Variants in ENPP4 observed in about 807,000 individuals in gnomAD.
The protein encoded by ENPP4 is ectonucleotide pyrophosphatase/phosphodiesterase 4.
A neutral mutation model predicts 33.4 loss-of-function variants in ENPP4; 18 were observed. That is an observed-to-expected ratio of 0.54 (90% CI 0.37 to 0.80). The LOEUF (loss-of-function observed/expected upper bound fraction) is 0.80. Among genes scored for constraint, ENPP4 ranks in the 30% least tolerant of loss-of-function variants. The probability of loss-of-function intolerance (pLI) is 0.00; values close to 1 mark genes in which losing one functional copy is unlikely to be tolerated. For missense variants in ENPP4, 480 were observed against 541.7 expected (o/e 0.89, Z 1.13); for synonymous variants, 172 against 189.9 (o/e 0.91, Z 0.78).
chr6:46,138,365 C>T (rs1764005669), intron 1 of ENPP4, among the ~76,000 whole-genome samples: 1 of 151,842 alleles, frequency 6.6e-6, no homozygotes, highest in African/African-American at 2.4e-5. Context: ...TTTGTTCATG[C>T]CTGTGCCAGG....
rs140366577 is a variant in ENPP4 at position 46,130,721 on chromosome 6, G to A, written c.-34+532G>A. On this transcript the variant is annotated intron_variant, in intron 1 of 3. Coordinates refer to ENST00000321037, the MANE Select transcript of ENPP4 (RefSeq NM_014936.5). ...TTTTAAAGGGCTGGATTAAAAGCAC[G>A]TAAGGACTTAAAAACAATGCTTCCT... 4.6e-5 allele frequency among the ~76,000 whole-genome samples: 7 copies of A among 152,332 alleles called. No individual in the cohort carries two copies. The East Asian group carries it at 1.4e-3, about 29-fold the overall frequency.
intron 1 of ENPP4, among the ~76,000 whole-genome samples, chr6:46,138,446 C>T (rs773939976): frequency 7.5e-4 from 114 of 151,878 alleles, no homozygotes; most frequent in Non-Finnish European, 1.5e-3. Context: ...TCAACATTGA[C>T]TCCAGTTCTA....
At chr6:46,141,722 A>G (rs150504970) in intron 3 of ENPP4, among the ~76,000 whole-genome samples, 1 of 151,834 alleles carries the variant, frequency 6.6e-6, no homozygotes, top group East Asian at 1.9e-4. Context: ...AATCTCTCCT[A>G]AAAAATATAT....
chr6:46,141,069 A>G lies in ENPP4; in HGVS notation c.844A>G (p.Asn282Asp). The G allele has an allele frequency of 6.2e-7, 1 of 1,602,132 alleles. No individual in the cohort carries two copies. The highest frequency in any genetic ancestry group is 8.5e-7 in the Non-Finnish European group (1 of 1,173,702). Residue 282 changes from asparagine (N) to aspartate (D), a missense_variant, in exon 3 of 4, where the codon AAC (asparagine) becomes GAC (aspartate). This residue lies in a region of ENPP4 where 249 missense variants were observed against 251.8 expected (regional missense o/e 0.99). Coordinates refer to ENST00000321037, the MANE Select transcript of ENPP4 (RefSeq NM_014936.5). ...LPKINRTEVY[N>D]KLKNCSPHMN... Reference sequence around the variant, plus strand: ...TTTCTCAGATAGAACAGAGGTTTATAACAAACTGAAAAACTGTAGCCCTCA... The same window carrying G: ...TTTCTCAGATAGAACAGAGGTTTATGACAAACTGAAAAACTGTAGCCCTCA...
chr6:46,136,121 T>G (rs1490207832), intron 1 of ENPP4, among the ~76,000 whole-genome samples: 1 of 152,080 alleles, frequency 6.6e-6, no homozygotes, highest in Non-Finnish European at 1.5e-5. Context: ...TGCCACCTAT[T>G]TGCTGATTTA....
At chr6:46,131,996 G>C (rs1763908469) in intron 1 of ENPP4, among the ~76,000 whole-genome samples, 1 of 152,090 alleles carries the variant, frequency 6.6e-6, no homozygotes, top group South Asian at 2.1e-4. Context: ...CCCACTTTTT[G>C]ATGGGGTTGT....
chr6:46,136,030 T>C lies in ENPP4; in HGVS notation c.-33-3521T>C, dbSNP rs545367293. Among the ~76,000 whole-genome samples, 7 of 152,122 alleles carry C rather than the reference T, an allele frequency of 4.6e-5. No individual in the cohort carries two copies. The South Asian group carries it at 6.2e-4, about 14-fold the overall frequency. ...CACCTTAGCTTTTAAAATAATACAT[T>C]ATGGTGTATGAATCTCAAACACACT... On this transcript the variant is annotated intron_variant, in intron 1 of 3. Coordinates refer to ENST00000321037, the MANE Select transcript of ENPP4 (RefSeq NM_014936.5).
At chr6:46,133,776 T>A (rs1334034069) in intron 1 of ENPP4, among the ~76,000 whole-genome samples, 1 of 152,154 alleles carries the variant, frequency 6.6e-6, no homozygotes, top group East Asian at 1.9e-4. Flanking sequence ...GCTTGAGAAC[T>A]TCTCATTGTT....
intron 3 of ENPP4, 87 bp from the exon 4 acceptor site, chr6:46,143,189 A>G (rs1413364101): frequency 4.6e-6 from 6 of 1,293,822 alleles, no homozygotes; most frequent in African/African-American, 3.0e-5. Flanking sequence ...CCTTTCTGAA[A>G]GAATTGAATG....
Position 46,144,664 on chromosome 6 carries a change from A to G in ENPP4, c.*1024A>G. 3.2e-6 allele frequency: 1 copy of G among 309,604 alleles called. No homozygotes were observed. The highest frequency in any genetic ancestry group is 5.9e-6 in the Non-Finnish European group (1 of 170,864). The allele number at this position is 309,604 out of a possible 1,614,324, so 19.2% of individuals were successfully genotyped here. A position where few individuals can be genotyped will look rare whatever the true frequency, so the allele number is the denominator to read the frequency against. On this transcript the variant is annotated 3_prime_UTR_variant, in exon 4 of 4. Coordinates refer to ENST00000321037, the MANE Select transcript of ENPP4 (RefSeq NM_014936.5). ...GTATCCAAATGCTACAGAAAAATTT[A>G]TGACCCAAATACAAATCTCAATTTG...
At position 46,144,745 on chromosome 6, in the gene ENPP4, T is replaced by G; in HGVS notation, c.*1105T>G. On this transcript the variant is annotated 3_prime_UTR_variant, in exon 4 of 4. Transcript: ENST00000321037. ...GTATTTATCTTTGGGACTTTATGCC[T>G]TACTTTTTAGGCTATAGAATAGTTA... is the stretch of plus-strand genomic sequence containing the variant. 2.6e-6 allele frequency: 1 copy of G among 378,934 alleles called. No homozygotes were observed. The highest frequency in any genetic ancestry group is 4.7e-6 in the Non-Finnish European group (1 of 213,504). The allele number at this position is 378,934 out of a possible 1,614,324, so 23.5% of individuals were successfully genotyped here.
At chr6:46,143,238 C>A (rs947918240) in intron 3 of ENPP4, 38 bp from the exon 4 acceptor site, 2 of 1,517,190 alleles carry the variant, frequency 1.3e-6, no homozygotes, top group South Asian at 2.7e-5. Flanking sequence ...CCTAAAAAGT[C>A]TGATCTTATT....
In ENPP4 at chr6:46,139,550, G is replaced by T; in HGVS notation, c.-33-1G>T. On this transcript the variant is annotated splice_acceptor_variant, in intron 1 of 3. Coordinates refer to ENST00000321037, the MANE Select transcript of ENPP4 (RefSeq NM_014936.5). LOFTEE classifies it low-confidence loss of function (5UTR_SPLICE). ...TTATGAGTTGTGTTTTTACATTTTA[G>T]GAACCCTGATTGCTGTCCTTCAACG... 1 of 1,127,108 alleles carries T rather than the reference G, an allele frequency of 8.9e-7. No homozygotes were observed. 69.8% of individuals were successfully genotyped at this position (1,127,108 alleles called of 1,614,324 possible). A position where few individuals can be genotyped will look rare whatever the true frequency, so the allele number is the denominator to read the frequency against.
In ENPP4 at chr6:46,139,942, G is replaced by T; in HGVS notation, c.359G>T (p.Trp120Leu). Reference protein sequence around the residue: ...PFWWNEAVPIWVTNQLQENRS... With the variant: ...PFWWNEAVPILVTNQLQENRS... ...TGGTGGAATGAGGCAGTACCTATTTGGGTGACCAATCAGCTTCAGGAAAAC... is the reference window on the plus strand; with the variant it reads ...TGGTGGAATGAGGCAGTACCTATTTTGGTGACCAATCAGCTTCAGGAAAAC... Residue 120 changes from tryptophan to leucine, a missense_variant, in exon 2 of 4, where the codon TGG (tryptophan) becomes TTG (leucine). By Grantham distance (61) the Trp-to-Leu change is moderately conservative (BLOSUM62 -2). This residue lies in a region of ENPP4 where 227 missense variants were observed against 273.7 expected (regional missense o/e 0.83). Coordinates refer to ENST00000321037, the MANE Select transcript of ENPP4 (RefSeq NM_014936.5). 6.2e-7 allele frequency: 1 copy of T among 1,612,788 alleles called. No individual in the cohort carries two copies. The highest frequency in any genetic ancestry group is 8.5e-7 in the Non-Finnish European group (1 of 1,179,102).
Position 46,139,568 on chromosome 6 carries a change from C to A in ENPP4, c.-16C>A. ...CATTTTAGGAACCCTGATTGCTGTCCTTCAACGTGTTCATTATGAAGTTAT... is the reference window on the plus strand; with the variant it reads ...CATTTTAGGAACCCTGATTGCTGTCATTCAACGTGTTCATTATGAAGTTAT... On this transcript the variant is annotated 5_prime_UTR_variant, in exon 2 of 4. Coordinates refer to ENST00000321037, the MANE Select transcript of ENPP4 (RefSeq NM_014936.5). 1 of 1,293,308 alleles carries A rather than the reference C, an allele frequency of 7.7e-7. No individual in the cohort carries two copies. Among genetic ancestry groups the A allele is most frequent in the Non-Finnish European group, 1.1e-6 (1 of 892,294 alleles). The allele number at this position is 1,293,308 out of a possible 1,614,324, so 80.1% of individuals were successfully genotyped here.
chr6:46,134,159 T>G (rs1291213385), intron 1 of ENPP4, among the ~76,000 whole-genome samples: 1 of 152,144 alleles, frequency 6.6e-6, no homozygotes, highest in East Asian at 1.9e-4. Context: ...TCCCAACATC[T>G]TTGTAACTAG....
chr6:46,131,758 G>C (rs1280425981), intron 1 of ENPP4, among the ~76,000 whole-genome samples: 6 of 151,632 alleles, frequency 4.0e-5, no homozygotes, highest in Admixed American at 6.6e-5. Flanking sequence ...GGTTGAACTA[G>C]TTTACAGTCC....
chr6:46,135,354 A>G (rs940158132), intron 1 of ENPP4, among the ~76,000 whole-genome samples: 1 of 151,864 alleles, frequency 6.6e-6, no homozygotes, highest in African/African-American at 2.4e-5. Flanking sequence ...TATTTTATTT[A>G]CTCATCCTTC....
chr6:46,131,003 C>T (rs936266953), intron 1 of ENPP4, among the ~76,000 whole-genome samples: 2 of 152,140 alleles, frequency 1.3e-5, no homozygotes, highest in Non-Finnish European at 1.5e-5. Flanking sequence ...TCTATTTCTT[C>T]TTTTTTCCCC....
Sources: gnomAD v4.1 joint callset for allele counts (sites outside exome capture counted in the v4.1 genomes callset) on GRCh38, gnomAD v4.1.1 for gene constraint, gnomAD v4.1.1 regional missense constraint, MANE v1.5 for transcripts, NCBI Gene and HGNC (gene_info 2026-07-23, HGNC 2026-07-21) for gene names.